The following DNAH14 variants were observed in gnomAD, a reference collection of about 807,000 sequenced individuals.
The protein encoded by DNAH14 is dynein axonemal heavy chain 14, also known as axonemal beta dynein heavy chain 14.
In DNAH14, 478 loss-of-function variants were observed where a neutral mutation model predicts 520.9. That is an observed-to-expected ratio of 0.92 (90% CI 0.85 to 0.99). The LOEUF (loss-of-function observed/expected upper bound fraction) is 0.99, where lower values mean the gene tolerates loss of function less well. Ranked by LOEUF, DNAH14 falls within the 50% of genes least tolerant of loss-of-function variation. DNAH14 has a pLI of 0.00. For missense variants in DNAH14, 4,831 were observed against 5,234.5 expected (o/e 0.92, Z 2.38); for synonymous variants, 1,581 against 1,757.2 (o/e 0.90, Z 2.51).
At chr1:225,032,855 T>C (rs2066636070) in intron 11 of DNAH14, among the ~76,000 whole-genome samples, 1 of 152,194 alleles carries the variant, frequency 6.6e-6, no homozygotes, top group Non-Finnish European at 1.5e-5. Context: ...CTTTTTCGTA[T>C]GCTTATTGGC....
intron 41 of DNAH14, among the ~76,000 whole-genome samples, chr1:225,227,825 T>C (rs2090692119): frequency 1.3e-5 from 2 of 152,168 alleles, no homozygotes; most frequent in Non-Finnish European, 2.9e-5. Context: ...ACGAACGTTA[T>C]TCATAATCAC....
intron 23 of DNAH14, 37 bp from the exon 24 acceptor site, chr1:225,117,647 A>C (rs764305814): frequency 1.0e-5 from 13 of 1,245,026 alleles, no homozygotes; most frequent in Non-Finnish European, 1.4e-5. Flanking sequence ...ATAATTAAGC[A>C]TATATTCTGA....
intron 8 of DNAH14, among the ~76,000 whole-genome samples, chr1:224,974,418 G>T (rs866115557): frequency 6.6e-6 from 1 of 152,172 alleles, no homozygotes; most frequent in Non-Finnish European, 1.5e-5. Flanking sequence ...CCAGGAAGAA[G>T]AATAATTAAG....
chr1:225,117,194 G>C (rs1269621005), intron 23 of DNAH14, among the ~76,000 whole-genome samples: 1 of 152,008 alleles, frequency 6.6e-6, no homozygotes, highest in Non-Finnish European at 1.5e-5. Context: ...AAAGGAGTGA[G>C]AAATATAGAA....
intron 22 of DNAH14, among the ~76,000 whole-genome samples, chr1:225,098,531 G>C (rs1209589866): frequency 2.0e-5 from 3 of 152,168 alleles, no homozygotes; most frequent in African/African-American, 7.2e-5. Context: ...TTATTTTGGA[G>C]ACAAAGGGAA....
intron 1 of DNAH14, among the ~76,000 whole-genome samples, chr1:224,931,139 T>C (rs1201397422): frequency 6.6e-6 from 1 of 152,198 alleles, no homozygotes; most frequent in Non-Finnish European, 1.5e-5. Context: ...TGTGTGTTTG[T>C]ATCTTAGTTT....
chr1:225,392,201 T>C, intron 83 of DNAH14, 90 bp from the exon 84 acceptor site: 2 of 1,439,674 alleles, frequency 1.4e-6, no homozygotes, highest in Non-Finnish European at 1.9e-6. Flanking sequence ...CACTCTTCCC[T>C]TTCTTCTCCA....
At chr1:225,089,442 C>CAAAAAAA (rs1169182387) in intron 21 of DNAH14, among the ~76,000 whole-genome samples, 17 of 29,870 alleles carry the variant, frequency 5.7e-4, no homozygotes, top group East Asian at 3.2e-3. Context: ...AAAACTCCGT[C>CAAAAAAA]AAAAAAAAAA....
In DNAH14 at chr1:225,367,817, T is replaced by G. The variant is rs141510580; in HGVS notation, c.12103T>G (p.Ser4035Ala). ...LKKGLKIAVE[S>A]PQGLKSNLLQ... ...ATCTGTTTTCAAGATTGCCGTGGAA[T>G]CTCCCCAGGGATTGAAAAGTAACTT... Residue 4035 changes from serine (S) to alanine (A), a missense_variant, in exon 77 of 86, where the codon TCT becomes GCT. Ser to Ala is a moderately conservative substitution (Grantham distance 99). Transcript: ENST00000682510. The G allele has an allele frequency of 6.4e-7, 1 of 1,550,898 alleles. No individual in the cohort carries two copies. Among genetic ancestry groups the G allele is most frequent in the East Asian group, 2.4e-5 (1 of 40,908 alleles).
intron 15 of DNAH14, among the ~76,000 whole-genome samples, chr1:225,048,670 T>C (rs1453989878): frequency 6.6e-6 from 1 of 152,204 alleles, no homozygotes; most frequent in Non-Finnish European, 1.5e-5. Context: ...CTATACACAT[T>C]CACATATAGG....
rs71170051 is a variant in DNAH14, at chr1:225,049,047, A to ATTTTTTTTTTTTTT, written c.1913-1146_1913-1133dup. ...AAATGTCTTTTTAGATCTCTTGCCT[A>ATTTTTTTTTTTTTT]TTTTTTTTTTTTTTTTTTTTTTTTT... On this transcript the variant is annotated intron_variant, in intron 15 of 85. Transcript: ENST00000682510. Among the ~76,000 whole-genome samples the ATTTTTTTTTTTTTT allele has an allele frequency of 3.6e-5, 2 of 56,278 alleles. 1 individual carries two copies. Among genetic ancestry groups the ATTTTTTTTTTTTTT allele is most frequent in the African/African-American group, 1.7e-4 (2 of 12,062 alleles). 36.9% of individuals were successfully genotyped at this position (56,278 alleles called of 152,430 possible). A position where few individuals can be genotyped will look rare whatever the true frequency, so the allele number is the denominator to read the frequency against.
chr1:225,249,712 C>T (rs545901862), intron 43 of DNAH14, among the ~76,000 whole-genome samples: 53 of 152,310 alleles, frequency 3.5e-4, no homozygotes, highest in South Asian at 1.5e-3. Flanking sequence ...AGAATATTTT[C>T]GTCTTTCCAT....
intron 44 of DNAH14, 51 bp downstream of exon 44, chr1:225,252,468 C>T: frequency 2.0e-6 from 2 of 1,004,316 alleles, no homozygotes; most frequent in Non-Finnish European, 3.0e-6. Context: ...ATTGGGTATA[C>T]TCTATTCATA....
intron 44 of DNAH14, among the ~76,000 whole-genome samples, chr1:225,256,834 G>A (rs2092752672): frequency 6.6e-6 from 1 of 151,898 alleles, no homozygotes; most frequent in Non-Finnish European, 1.5e-5. Context: ...GATTACAAGA[G>A]CTAATTTGCT....
In DNAH14 at chr1:225,097,026, A is replaced by C. The variant is rs971305482; in HGVS notation, c.3574-92A>C. ...ATTATTTTCTGTATGTCAATGACTGATAATCACCTTTGATCTGTTTCTGTT... is the reference window on the plus strand; with the variant it reads ...ATTATTTTCTGTATGTCAATGACTGCTAATCACCTTTGATCTGTTTCTGTT... On this transcript the variant is annotated intron_variant, in intron 21 of 85. Coordinates refer to ENST00000682510, the MANE Select transcript of DNAH14 (RefSeq NM_001367479.1). 14 of 1,057,938 alleles carry C rather than the reference A, an allele frequency of 1.3e-5. No homozygotes were observed. The African/African-American group carries it at 2.1e-4, about 16-fold the overall frequency. The allele number at this position is 1,057,938 out of a possible 1,614,324, so 65.5% of individuals were successfully genotyped here. A position where few individuals can be genotyped will look rare whatever the true frequency, so the allele number is the denominator to read the frequency against.
chr1:225,197,176 C>A (rs2086253805), intron 38 of DNAH14, among the ~76,000 whole-genome samples: 4 of 152,014 alleles, frequency 2.6e-5, no homozygotes, highest in Admixed American at 2.6e-4. Flanking sequence ...GGTTTCAGGT[C>A]TTAGATTTAA....
At chr1:225,219,846 A>G (rs182883718) in intron 41 of DNAH14, among the ~76,000 whole-genome samples, 24 of 152,254 alleles carry the variant, frequency 1.6e-4, no homozygotes, top group African/African-American at 5.5e-4. Context: ...CCTGGCAGAG[A>G]TGCAGAAAAA....
chr1:225,220,073 T>C (rs2089887781), intron 41 of DNAH14, among the ~76,000 whole-genome samples: 2 of 152,130 alleles, frequency 1.3e-5, no homozygotes, highest in Non-Finnish European at 2.9e-5. Context: ...ATTATCTCAA[T>C]AGATGCAGAA....
At chr1:225,127,776 A>C (rs531456822) in intron 27 of DNAH14, among the ~76,000 whole-genome samples, 1 of 152,188 alleles carries the variant, frequency 6.6e-6, no homozygotes, top group Non-Finnish European at 1.5e-5. Flanking sequence ...TATTTTGCTC[A>C]TTAGTTGATG....
Sources: allele counts gnomAD v4.1 joint callset (sites outside exome capture counted in the v4.1 genomes callset), GRCh38; gene constraint gnomAD v4.1.1; transcripts MANE v1.5; gene names NCBI Gene and HGNC (gene_info 2026-07-23, HGNC 2026-07-21).